ORM1: variants seen among roughly 807,000 people sequenced by gnomAD.
The protein encoded by ORM1 is alpha-1-acid glycoprotein 1.
A neutral mutation model predicts 26.9 loss-of-function variants in ORM1; 13 were observed. That is an observed-to-expected ratio of 0.48 (90% CI 0.31 to 0.77). The LOEUF (loss-of-function observed/expected upper bound fraction) is 0.77. ORM1 is among the 30% of genes least tolerant of loss of function. The pLI is 0.04. For missense variants in ORM1, 189 were observed against 246.8 expected, an observed-to-expected ratio of 0.77 and a Z score of 1.57; for synonymous variants, 76 against 102.2, an observed-to-expected ratio of 0.74 and a Z score of 1.55.
Position 114,323,220 on chromosome 9 carries a change from G to A in ORM1, c.87G>A (p.Val29=). Residue 29 remains valine (V), a synonymous_variant, in exon 1 of 6, where the codon GTG becomes GTA. Coordinates refer to ENST00000259396, the MANE Select transcript of ORM1 (RefSeq NM_000607.4). Reference sequence around the variant, plus strand: ...CATTGTGTGCCAACCTAGTACCGGTGCCCATCACCAACGCCACCCTGGACC... The same window carrying A: ...CATTGTGTGCCAACCTAGTACCGGTACCCATCACCAACGCCACCCTGGACC... ...QIPLCANLVP[V]PITNATLDRI... 1 of 1,597,716 alleles carries A rather than the reference G, an allele frequency of 6.3e-7. No homozygotes were observed.
intron 1 of ORM1, 156 bp downstream of exon 1, chr9:114,323,403 C>T (rs1240795067): frequency 1.9e-6 from 2 of 1,028,960 alleles, no homozygotes; most frequent in East Asian, 5.2e-5. Context: ...GCCCAGGGGA[C>T]TCTGGAGGCA....
In ORM1 at chr9:114,324,219, C is replaced by T. The variant is rs550434759; in HGVS notation, c.328+131C>T. 5.0e-5 allele frequency: 44 copies of T among 879,086 alleles called. No individual in the cohort carries two copies. In the East Asian group the frequency reaches 8.1e-4, roughly 16 times the overall value. 54.5% of individuals were successfully genotyped at this position (879,086 alleles called of 1,614,324 possible). On this transcript the variant is annotated intron_variant, in intron 3 of 5. Transcript: ENST00000259396. ...AACCACTAACATTTTTGAGCTCTAA[C>T]GATGTGCTCAGAAACAACTCTAAGA...
rs1564605264 is a variant in ORM1, at chr9:114,324,213, C to G, written c.328+125C>G. 3 of 923,720 alleles carry G rather than the reference C, an allele frequency of 3.2e-6. No individual in the cohort carries two copies. The East Asian group carries it at 7.5e-5, about 23-fold the overall frequency. 57.2% of individuals were successfully genotyped at this position (923,720 alleles called of 1,614,324 possible). On this transcript the variant is annotated intron_variant, in intron 3 of 5. Transcript: ENST00000259396. ...AGAAATAACCACTAACATTTTTGAG[C>G]TCTAACGATGTGCTCAGAAACAACT...
At position 114,324,002 on chromosome 9, in the gene ORM1, T is replaced by C; in HGVS notation, c.258-16T>C. 1 of 1,613,746 alleles carries C rather than the reference T, an allele frequency of 6.2e-7. No homozygotes were observed. Among genetic ancestry groups the C allele is most frequent in the Non-Finnish European group, 8.5e-7 (1 of 1,179,732 alleles). ...ATAATCTTCCTGTTTTCCTTCCGCC[T>C]TCTGTTTGGCTTTAGACAGGACCAG... On this transcript the variant is annotated splice_polypyrimidine_tract_variant and intron_variant, in intron 2 of 5. Transcript: ENST00000259396.
At chr9:114,323,320 C>T in intron 1 of ORM1, 73 bp downstream of exon 1, 2 of 1,613,518 alleles carry the variant, frequency 1.2e-6, no homozygotes. Context: ...CCTTTCCCTG[C>T]TGGCTGTGGT....
At position 114,323,749 on chromosome 9, in the gene ORM1, T is replaced by C; in HGVS notation, c.201T>C (p.Phe67=). 1 of 1,613,956 alleles carries C rather than the reference T, an allele frequency of 6.2e-7. No individual in the cohort carries two copies. Among genetic ancestry groups the C allele is most frequent in the Non-Finnish European group, 8.5e-7 (1 of 1,179,924 alleles). ...TTCAGGAGATCCAAGCAACCTTCTT[T>C]TACTTCACCCCCAACAAGACAGAGG... ...KSVQEIQATF[F]YFTPNKTEDT... is the part of the protein sequence containing the mutation. The change falls in exon 2 of 6, where the codon TTT becomes TTC. Residue 67 remains phenylalanine (F), a synonymous_variant. Transcript: ENST00000259396.
chr9:114,324,921 A>G, intron 4 of ORM1, 24 bp downstream of exon 4: 1 of 1,607,138 alleles, frequency 6.2e-7, no homozygotes, highest in Non-Finnish European at 8.5e-7. Flanking sequence ...GCAGCCCCAA[A>G]CTCATGCCCC....
Position 114,324,839 on chromosome 9 carries a change from G to A in ORM1, c.378G>A (p.Lys126=), listed in dbSNP as rs1465633357. Residue 126 remains lysine, a synonymous_variant, in exon 4 of 6, where the codon AAG becomes AAA. Coordinates refer to ENST00000259396, the MANE Select transcript of ORM1 (RefSeq NM_000607.4). ...ACTTGCTGATCCTCAGGGACACCAA[G>A]ACCTACATGCTTGCTTTTGACGTGA... is the stretch of plus-strand genomic sequence containing the variant. ...FAHLLILRDT[K]TYMLAFDVND... is the part of the protein sequence containing the mutation. 1.9e-6 allele frequency: 3 copies of A among 1,614,202 alleles called. No individual in the cohort carries two copies. Among genetic ancestry groups the A allele is most frequent in the Non-Finnish European group, 2.5e-6 (3 of 1,180,016 alleles).
intron 3 of ORM1, 22 bp downstream of exon 3, chr9:114,324,110 G>A (rs1469692314): frequency 6.2e-7 from 1 of 1,611,024 alleles, no homozygotes; most frequent in Non-Finnish European, 8.5e-7. Flanking sequence ...CCCTCAGGCA[G>A]GAGGGTTCAC....
chr9:114,323,474 C>A, intron 1 of ORM1, 189 bp from the exon 2 acceptor site: 4 of 908,054 alleles, frequency 4.4e-6, no homozygotes, highest in Non-Finnish European at 7.1e-6. Context: ...CGGTTCTGTG[C>A]TGGGCCTGGA....
chr9:114,325,425 A>G (rs530319527), intron 5 of ORM1, among the ~76,000 whole-genome samples: 3,135 of 145,426 alleles, frequency 0.022, 1 homozygote, highest in Non-Finnish European at 0.035. Context: ...GGGATTGGCA[A>G]TTGGAGGGGA....
In ORM1 at chr9:114,324,913, A is replaced by T; in HGVS notation, c.436+16A>T. On this transcript the variant is annotated intron_variant, in intron 4 of 5. Coordinates refer to ENST00000259396, the MANE Select transcript of ORM1 (RefSeq NM_000607.4). ...TCTGTCTATGGTAGGCATGCTTAGCAGCCCCAAACTCATGCCCCTCTCAGG... is the reference window on the plus strand; with the variant it reads ...TCTGTCTATGGTAGGCATGCTTAGCTGCCCCAAACTCATGCCCCTCTCAGG... 1 of 1,609,956 alleles carries T rather than the reference A, an allele frequency of 6.2e-7. No homozygotes were observed.
chr9:114,326,338 A>G lies in ORM1; in HGVS notation c.587A>G (p.Gln196Arg). The change falls in exon 6 of 6, where the codon CAG (glutamine) becomes CGG (arginine). Residue 196 changes from glutamine (Q) to arginine (R), a missense_variant. Coordinates refer to ENST00000259396, the MANE Select transcript of ORM1 (RefSeq NM_000607.4). ...AAGCAGCACGAGAAGGAGAGGAAAC[A>G]GGAGGAGGGGGAATCCTAGCAGGAC... ...LEKQHEKERK[Q>R]EEGES 3.8e-6 allele frequency: 6 copies of G among 1,577,984 alleles called. No homozygotes were observed. The highest frequency in any genetic ancestry group is 5.2e-6 in the Non-Finnish European group (6 of 1,163,974).
chr9:114,324,166 G>C (rs1393615912), intron 3 of ORM1, 78 bp downstream of exon 3: 8 of 1,315,814 alleles, frequency 6.1e-6, no homozygotes, highest in Admixed American at 1.7e-5. Context: ...TGGATGTAGA[G>C]CCCTGGAGGC....
intron 3 of ORM1, among the ~76,000 whole-genome samples, chr9:114,324,492 G>C (rs1829736823): frequency 6.6e-6 from 1 of 152,178 alleles, no homozygotes. Context: ...TGATGGAGCT[G>C]AACTGACACC....
rs1829729359 is a variant in ORM1, at chr9:114,324,079, T to G, written c.319T>G (p.Ser107Ala). 2 of 1,613,754 alleles carry G rather than the reference T, an allele frequency of 1.2e-6. No individual in the cohort carries two copies. Among genetic ancestry groups the G allele is most frequent in the South Asian group, 2.2e-5 (2 of 91,062 alleles). The change falls in exon 3 of 6, where the codon TCC becomes GCC. Residue 107 changes from serine to alanine, a missense_variant. Coordinates refer to ENST00000259396, the MANE Select transcript of ORM1 (RefSeq NM_000607.4). ...LNVQRENGTI[S>A]RYVGGQEHFA... ...TGTCCAGCGGGAAAATGGGACCATCTCCAGATACGGTGAGGGCCAGCCCTC... is the reference window on the plus strand; with the variant it reads ...TGTCCAGCGGGAAAATGGGACCATCGCCAGATACGGTGAGGGCCAGCCCTC...
intron 5 of ORM1, among the ~76,000 whole-genome samples, chr9:114,325,912 G>A (rs1829761825): frequency 6.6e-6 from 1 of 152,088 alleles, no homozygotes; most frequent in South Asian, 2.1e-4. Flanking sequence ...CCACAGCCTG[G>A]CACCCCCACT....
At chr9:114,324,930 C>T (rs536325922) in intron 4 of ORM1, 33 bp downstream of exon 4, 2 of 1,598,286 alleles carry the variant, frequency 1.3e-6, no homozygotes, top group East Asian at 2.2e-5. Flanking sequence ...AACTCATGCC[C>T]CTCTCAGGCC....
intron 1 of ORM1, 125 bp downstream of exon 1, chr9:114,323,372 C>G: frequency 6.4e-7 from 1 of 1,564,186 alleles, no homozygotes; most frequent in Non-Finnish European, 8.7e-7. Context: ...CTTCTGGGTC[C>G]CCAGGGTGAA....
Sources: allele counts gnomAD v4.1 joint callset (sites outside exome capture counted in the v4.1 genomes callset), GRCh38; gene constraint gnomAD v4.1.1; transcripts MANE v1.5; gene names NCBI Gene and HGNC (gene_info 2026-07-23, HGNC 2026-07-21).